The following ITSN1 variants were observed in gnomAD, a reference collection of about 807,000 sequenced individuals.
ITSN1 encodes intersectin 1.
ITSN1 carries 58 observed loss-of-function variants against 239.8 expected under a neutral mutation model. The ratio of observed to expected loss-of-function variants is 0.24; its 90% confidence interval spans 0.20 to 0.30. The LOEUF is 0.30. Among genes scored for constraint, ITSN1 ranks in the 10% least tolerant of loss-of-function variants. ITSN1 has a pLI of 1.00. For missense variants in ITSN1, 1,558 were observed against 2,103.3 expected (o/e 0.74, Z 5.07); for synonymous variants, 780 against 770.8 (o/e 1.01, Z -0.20).
In ITSN1 at chr21:33,654,547, C is replaced by T. The variant is rs181393996; in HGVS notation, c.-33+11834C>T. 2.8e-3 allele frequency among the ~76,000 whole-genome samples: 421 copies of T among 152,102 alleles called. 1 individual carries two copies. Among genetic ancestry groups the T allele is most frequent in the Non-Finnish European group, 4.6e-3 (310 of 67,976 alleles). On this transcript the variant is annotated intron_variant, in intron 1 of 39. Transcript: ENST00000381318. ...CACAGATCCCCTAAGTGCCCTTCAA[C>T]CTACACATCCAATTTCTTCCTACCT...
chr21:33,848,963 G>T (rs118175290), intron 29 of ITSN1, among the ~76,000 whole-genome samples: 5,116 of 152,342 alleles, frequency 0.034, 136 homozygotes, highest in Middle Eastern at 0.058. Context: ...GTATTTGGCC[G>T]AGTGTGGTGG....
At chr21:33,825,843 A>G (rs891756238) in intron 25 of ITSN1, among the ~76,000 whole-genome samples, 3 of 152,166 alleles carry the variant, frequency 2.0e-5, no homozygotes, top group Non-Finnish European at 4.4e-5. Flanking sequence ...TTTCCTGGTA[A>G]ATGTTTCTTA....
intron 34 of ITSN1, among the ~76,000 whole-genome samples, chr21:33,879,219 C>A (rs1022162634): frequency 6.6e-6 from 1 of 152,132 alleles, no homozygotes; most frequent in Admixed American, 6.5e-5. Context: ...GGTGTGGTGG[C>A]ATGCACCTGT....
Position 33,834,185 on chromosome 21 carries a change from AC to A in ITSN1, c.3352-120del, listed in dbSNP as rs3216081. On this transcript the variant is annotated intron_variant, in intron 27 of 39. Transcript: ENST00000381318. ...TGTGACATAGTAATCCATAGATTTT[AC>A]CGTTAATGTCATTTGTTTTTCAGTT... 2.2e-3 allele frequency: 1,535 copies of A among 685,046 alleles called. 19 individuals are homozygous for A. The highest frequency in any genetic ancestry group is 0.018 in the Admixed American group (694 of 38,068). 42.4% of individuals were successfully genotyped at this position (685,046 alleles called of 1,614,324 possible).
intron 38 of ITSN1, among the ~76,000 whole-genome samples, chr21:33,885,870 G>A (rs1241510891): frequency 1.3e-5 from 2 of 151,964 alleles, no homozygotes; most frequent in East Asian, 1.9e-4. Flanking sequence ...GTTTCCACCC[G>A]GATTCTCCAC....
chr21:33,798,380 A>C (rs1181983986), intron 18 of ITSN1, among the ~76,000 whole-genome samples: 2 of 151,832 alleles, frequency 1.3e-5, no homozygotes, highest in Non-Finnish European at 2.9e-5. Flanking sequence ...AATTACAAGC[A>C]TGAGCCACCA....
intron 33 of ITSN1, 47 bp downstream of exon 33, chr21:33,867,378 A>T (rs776862274): frequency 9.7e-7 from 1 of 1,028,942 alleles, no homozygotes; most frequent in Admixed American, 1.7e-5. Context: ...CTTTCTCTGC[A>T]TTGGAGAGGG....
At chr21:33,698,206 A>G (rs926965684) in intron 1 of ITSN1, among the ~76,000 whole-genome samples, 1 of 152,208 alleles carries the variant, frequency 6.6e-6, no homozygotes, top group Non-Finnish European at 1.5e-5. Context: ...CTTTGTGGAA[A>G]GTAAGCAGGA....
intron 5 of ITSN1, among the ~76,000 whole-genome samples, chr21:33,738,316 A>G (rs1276344838): frequency 6.6e-6 from 1 of 152,236 alleles, no homozygotes; most frequent in Non-Finnish European, 1.5e-5. Context: ...GCCCTGTTAT[A>G]TAAATGAGGG....
rs1602731619 is a variant in ITSN1, at chr21:33,887,598, T to TC, written c.5018-554_5018-553insC. Among the ~76,000 whole-genome samples, 14 of 126,454 alleles carry TC rather than the reference T, an allele frequency of 1.1e-4. No individual in the cohort carries two copies. In the East Asian group the frequency reaches 2.1e-3, roughly 19 times the overall value. The allele number at this position is 126,454 out of a possible 152,430, so 83.0% of individuals were successfully genotyped here. A position where few individuals can be genotyped will look rare whatever the true frequency, so the allele number is the denominator to read the frequency against. ...TCAACTTCTAATTCTTTTTTCTTTT[T>TC]ATTTTTTTTATTTATTTATCTTTTT... On this transcript the variant is annotated intron_variant, in intron 39 of 39. Coordinates refer to ENST00000381318, the MANE Select transcript of ITSN1 (RefSeq NM_003024.3).
In ITSN1 at chr21:33,865,297, A is replaced by G; in HGVS notation, c.4037A>G (p.Lys1346Arg). Residue 1346 changes from lysine (K) to arginine (R), a missense_variant, in exon 32 of 40, where the codon AAG becomes AGG. Physicochemically the swap from Lys to Arg is conservative, Grantham distance 26. This residue lies in a region of ITSN1 where 576 missense variants were observed against 893.3 expected (regional missense o/e 0.64). Coordinates refer to ENST00000381318, the MANE Select transcript of ITSN1 (RefSeq NM_003024.3). This position sits in a 1 kb window ranked among gnomAD's most constrained non-coding sequence, Gnocchi z 4.4. ...QLNGAALIQQ[K>R]TDEAPDFKEF... is the part of the protein sequence containing the mutation. ...AACGGGGCTGCCCTGATCCAGCAGA[A>G]GACGGATGAGGCCCCAGACTTCAAG... 1 of 1,589,576 alleles carries G rather than the reference A, an allele frequency of 6.3e-7. No individual in the cohort carries two copies. The highest frequency in any genetic ancestry group is 8.6e-7 in the Non-Finnish European group (1 of 1,168,296).
At chr21:33,844,659 C>T (rs2074931608) in intron 29 of ITSN1, among the ~76,000 whole-genome samples, 2 of 152,080 alleles carry the variant, frequency 1.3e-5, no homozygotes, top group Non-Finnish European at 1.5e-5. Flanking sequence ...AGATGCCTCT[C>T]AATATCCAGA....
chr21:33,749,157 T>A (rs1021172134), intron 5 of ITSN1, among the ~76,000 whole-genome samples: 1 of 151,980 alleles, frequency 6.6e-6, no homozygotes, highest in African/African-American at 2.4e-5. Context: ...CCTGGCTAAT[T>A]TTTAAAATTT....
intron 1 of ITSN1, among the ~76,000 whole-genome samples, chr21:33,672,584 A>AT (rs2090353243): frequency 6.6e-6 from 1 of 152,250 alleles, no homozygotes; most frequent in African/African-American, 2.4e-5. Context: ...TCCTCAGAAC[A>AT]TTAAAAATAG....
chr21:33,874,654 CT>C (rs58398933), intron 33 of ITSN1, among the ~76,000 whole-genome samples: 12,536 of 142,666 alleles, frequency 0.088, 822 homozygotes, highest in East Asian at 0.25. Flanking sequence ...CTTTTTCTTT[CT>C]TTTTTTTTTT....
intron 31 of ITSN1, among the ~76,000 whole-genome samples, chr21:33,861,186 T>C (rs1980450938): frequency 6.6e-6 from 1 of 152,184 alleles, no homozygotes; most frequent in South Asian, 2.1e-4. Context: ...CATCATAAAC[T>C]GGACAAAAAA....
chr21:33,802,345 T>C lies in ITSN1; in HGVS notation c.2305-85T>C. ...TTAACCACCAGCTTGATGAGATGCG[T>C]AGAGTTTAGATATGCTGTAAGAATA... is the stretch of plus-strand genomic sequence containing the variant. On this transcript the variant is annotated intron_variant, in intron 19 of 39. Transcript: ENST00000381318. The C allele has an allele frequency of 3.7e-6, 5 of 1,355,594 alleles. 1 individual carries two copies. The South Asian group carries it at 4.9e-5, about 13-fold the overall frequency. 84.0% of individuals were successfully genotyped at this position (1,355,594 alleles called of 1,614,324 possible).
intron 1 of ITSN1, among the ~76,000 whole-genome samples, chr21:33,651,457 C>CT (rs2088528292): frequency 6.6e-6 from 1 of 152,132 alleles, no homozygotes; most frequent in South Asian, 2.1e-4. Flanking sequence ...ATGTGGTGTA[C>CT]TTTGTGAGGT....
At chr21:33,662,895 G>A (rs1383792482) in intron 1 of ITSN1, among the ~76,000 whole-genome samples, 2 of 152,160 alleles carry the variant, frequency 1.3e-5, no homozygotes, top group African/African-American at 2.4e-5. Flanking sequence ...AGATCCTTGT[G>A]TTACAGATGA....
Sources: allele counts gnomAD v4.1 joint callset (sites outside exome capture counted in the v4.1 genomes callset), GRCh38; gene constraint gnomAD v4.1.1; regional missense constraint gnomAD v4.1.1; non-coding constraint Gnocchi (gnomAD v3.1); transcripts MANE v1.5; gene names NCBI Gene and HGNC (gene_info 2026-07-23, HGNC 2026-07-21).